Variants in SPMIP2 observed in about 807,000 individuals in gnomAD.
SPMIP2 encodes protein SPMIP2.
At chr4:158,963,518 C>G in the SPMIP2 span, among the ~76,000 whole-genome samples, 1 of 152,132 alleles carries the variant, frequency 6.6e-6, no homozygotes, top group South Asian at 2.1e-4. Flanking sequence ...AATTCCTGAG[C>G]TCAAGCTATT....
the SPMIP2 span, among the ~76,000 whole-genome samples, chr4:158,898,576 A>G: frequency 6.6e-6 from 1 of 152,164 alleles, no homozygotes; most frequent in Non-Finnish European, 1.5e-5. Context: ...TTATATTACT[A>G]GGTATTTTAT....
chr4:159,023,885 C>A, the SPMIP2 span, among the ~76,000 whole-genome samples: 2 of 152,184 alleles, frequency 1.3e-5, no homozygotes, highest in African/African-American at 2.4e-5. Context: ...AAGAATAAAG[C>A]TTAGAAATAA....
At chr4:158,914,207 T>C in the SPMIP2 span, among the ~76,000 whole-genome samples, 1 of 152,122 alleles carries the variant, frequency 6.6e-6, no homozygotes, top group Admixed American at 6.5e-5. Flanking sequence ...CTGCAATAAA[T>C]CATTTCACTT....
chr4:158,971,166 G>T, the SPMIP2 span, among the ~76,000 whole-genome samples: 1 of 152,200 alleles, frequency 6.6e-6, no homozygotes, highest in African/African-American at 2.4e-5. Context: ...AGGGAGAGAG[G>T]CTATACACAC....
At chr4:158,988,564 G>T in the SPMIP2 span, among the ~76,000 whole-genome samples, 2 of 152,086 alleles carry the variant, frequency 1.3e-5, no homozygotes, top group African/African-American at 4.8e-5. Context: ...TTCATCTCTG[G>T]GATGCAAGGC....
At chr4:158,912,220 T>C in the SPMIP2 span, among the ~76,000 whole-genome samples, 1 of 152,212 alleles carries the variant, frequency 6.6e-6, no homozygotes, top group Non-Finnish European at 1.5e-5. Flanking sequence ...CCAAAAGTAT[T>C]TTTAAGAGCA....
At chr4:158,924,379 GTTTGTTT>G in the SPMIP2 span, among the ~76,000 whole-genome samples, 5 of 152,024 alleles carry the variant, frequency 3.3e-5, no homozygotes, top group African/African-American at 4.8e-5. Context: ...GATGGTTTTT[GTTTGTTT>G]TTTGTTTTTT....
At chr4:158,966,717 C>T in the SPMIP2 span, among the ~76,000 whole-genome samples, 1 of 152,208 alleles carries the variant, frequency 6.6e-6, no homozygotes, top group Non-Finnish European at 1.5e-5. Context: ...GAGTTCATAA[C>T]TACCACAATG....
the SPMIP2 span, among the ~76,000 whole-genome samples, chr4:158,921,614 T>C: frequency 6.6e-6 from 1 of 152,218 alleles, no homozygotes; most frequent in Non-Finnish European, 1.5e-5. Flanking sequence ...CAGAAGCCTG[T>C]ACAGCCTGCA....
the SPMIP2 span, among the ~76,000 whole-genome samples, chr4:159,065,768 T>C: frequency 6.6e-6 from 1 of 152,214 alleles, no homozygotes; most frequent in African/African-American, 2.4e-5. Context: ...AGAGAAGTCA[T>C]CTGGAGAGTG....
the SPMIP2 span, among the ~76,000 whole-genome samples, chr4:158,899,078 T>G: frequency 6.6e-6 from 1 of 152,222 alleles, no homozygotes; most frequent in Non-Finnish European, 1.5e-5. Flanking sequence ...GTCGAAGGCC[T>G]TTTCTGCATC....
At chr4:159,026,363 A>C in the SPMIP2 span, 62 of 736,104 alleles carry the variant, frequency 8.4e-5, no homozygotes, top group East Asian at 1.8e-3. Context: ...CATAGCAAAA[A>C]AACTCAGACT....
At chr4:159,056,603 A>G in the SPMIP2 span, among the ~76,000 whole-genome samples, 1 of 152,228 alleles carries the variant, frequency 6.6e-6, no homozygotes, top group Non-Finnish European at 1.5e-5. Flanking sequence ...GCATGCAGCA[A>G]ACTAAGATAA....
At chr4:159,082,372 A>G in the SPMIP2 span, among the ~76,000 whole-genome samples, 1 of 151,764 alleles carries the variant, frequency 6.6e-6, no homozygotes, top group Non-Finnish European at 1.5e-5. Flanking sequence ...TTGTGCTTCT[A>G]CTATGAGGAG....
At chr4:158,901,238 A>G in the SPMIP2 span, among the ~76,000 whole-genome samples, 4 of 150,702 alleles carry the variant, frequency 2.7e-5, no homozygotes, top group East Asian at 3.9e-4. Context: ...GGTTTAAGCA[A>G]TTCTCTGCCT....
the SPMIP2 span, chr4:158,960,236 T>C: frequency 1.8e-6 from 2 of 1,101,448 alleles, no homozygotes; most frequent in East Asian, 2.5e-5. Context: ...CTGTTACCAA[T>C]TTAGGAAAGA....
the SPMIP2 span, among the ~76,000 whole-genome samples, chr4:159,054,886 C>T: frequency 2.7e-5 from 4 of 148,700 alleles, no homozygotes; most frequent in African/African-American, 9.8e-5. Context: ...ATGTGCTCTG[C>T]TCCCACTGGA....
the SPMIP2 span, among the ~76,000 whole-genome samples, chr4:158,999,420 T>C: frequency 6.6e-6 from 1 of 152,198 alleles, no homozygotes; most frequent in Non-Finnish European, 1.5e-5. Flanking sequence ...GTGACTTCAA[T>C]TTAGGCCAGG....
chr4:158,902,662 T>G, the SPMIP2 span, among the ~76,000 whole-genome samples: 1 of 152,178 alleles, frequency 6.6e-6, no homozygotes. Flanking sequence ...GCTGCTGCCT[T>G]TTTTTCAGAG....
Sources: gnomAD v4.1 joint callset for allele counts (sites outside exome capture counted in the v4.1 genomes callset) on GRCh38, gnomAD v4.1.1 for gene constraint, MANE v1.5 for transcripts, NCBI Gene and HGNC (gene_info 2026-07-23, HGNC 2026-07-21) for gene names.